The following SLC8A1 variants were observed in gnomAD, a reference collection of about 807,000 sequenced individuals.
The protein encoded by SLC8A1 is solute carrier family 8 member A1.
A neutral mutation model predicts 68.3 loss-of-function variants in SLC8A1; 18 were observed. The observed-to-expected ratio is 0.26, with a 90% CI of 0.18 to 0.39. The LOEUF (loss-of-function observed/expected upper bound fraction) is 0.39. Ranked by LOEUF, SLC8A1 falls within the 10% of genes least tolerant of loss-of-function variation. SLC8A1 has a pLI of 1.00. For missense variants in SLC8A1, 985 were observed against 1,156.7 expected (o/e 0.85, Z 2.15); for synonymous variants, 475 against 415.5 (o/e 1.14, Z -1.74).
chr2:40,306,187 C>G (rs942338179), intron 2 of SLC8A1, among the ~76,000 whole-genome samples: 1 of 152,166 alleles, frequency 6.6e-6, no homozygotes, highest in Non-Finnish European at 1.5e-5. Flanking sequence ...CAGTGAGCAT[C>G]CACATTTATG....
Position 40,127,387 on chromosome 2 carries a change from G to C in SLC8A1, c.2438-11758C>G, listed in dbSNP as rs757956495. Among the ~76,000 whole-genome samples the C allele has an allele frequency of 5.1e-4, 78 of 152,122 alleles. 1 individual carries two copies. Among genetic ancestry groups the C allele is most frequent in the Non-Finnish European group, 8.8e-5 (6 of 68,030 alleles). Reference sequence around the variant, plus strand: ...CCAGCGCAGCCTCAAACCAAGTGCTGGTTCCCCTTGAGCAACCAGAACTGC... The same window carrying C: ...CCAGCGCAGCCTCAAACCAAGTGCTCGTTCCCCTTGAGCAACCAGAACTGC... On this transcript the variant is annotated intron_variant, in intron 7 of 7. Coordinates refer to ENST00000406785, the Ensembl canonical transcript of SLC8A1.
chr2:40,321,788 A>G (rs537227350), intron 2 of SLC8A1, among the ~76,000 whole-genome samples: 4 of 152,230 alleles, frequency 2.6e-5, no homozygotes, highest in Non-Finnish European at 2.9e-5. Context: ...CGTGGGGACT[A>G]TGGGAACTAC....
At chr2:40,441,551 C>A (rs959769132) in intron 1 of SLC8A1, among the ~76,000 whole-genome samples, 2 of 151,638 alleles carry the variant, frequency 1.3e-5, no homozygotes, top group South Asian at 2.1e-4. Context: ...CAGTACGGTA[C>A]GGGTACCAAA....
intron 2 of SLC8A1, among the ~76,000 whole-genome samples, chr2:40,354,140 C>A (rs1222291606): frequency 6.6e-6 from 1 of 152,092 alleles, no homozygotes; most frequent in Non-Finnish European, 1.5e-5. Flanking sequence ...TGCGCTATAC[C>A]ACTTTGCATT....
chr2:40,306,032 T>G (rs1174871773), intron 2 of SLC8A1, among the ~76,000 whole-genome samples: 1 of 152,166 alleles, frequency 6.6e-6, no homozygotes, highest in Non-Finnish European at 1.5e-5. Context: ...CTTACAGGTT[T>G]TGGGAGGATG....
chr2:40,277,507 T>G (rs183836299), intron 2 of SLC8A1, among the ~76,000 whole-genome samples: 1 of 151,822 alleles, frequency 6.6e-6, no homozygotes, highest in African/African-American at 2.4e-5. Flanking sequence ...ACCACTGCCC[T>G]CCAGCCTGGG....
At chr2:40,219,742 G>C (rs1000754847) in intron 2 of SLC8A1, among the ~76,000 whole-genome samples, 1 of 152,122 alleles carries the variant, frequency 6.6e-6, no homozygotes, top group Non-Finnish European at 1.5e-5. Flanking sequence ...TTTTAAGTTT[G>C]AGAAATAGAA....
chr2:40,408,991 G>C (rs1691274521), intron 2 of SLC8A1, among the ~76,000 whole-genome samples: 1 of 152,060 alleles, frequency 6.6e-6, no homozygotes, highest in South Asian at 2.1e-4. Flanking sequence ...GAAAAAAGTT[G>C]TAACTATACA....
intron 6 of SLC8A1, among the ~76,000 whole-genome samples, chr2:40,153,633 C>T (rs761885908): frequency 6.6e-6 from 1 of 152,180 alleles, no homozygotes; most frequent in African/African-American, 2.4e-5. Flanking sequence ...AAACAACCTA[C>T]CTACCTAGAT....
chr2:40,344,092 T>C (rs961179757), intron 2 of SLC8A1, among the ~76,000 whole-genome samples: 7 of 152,126 alleles, frequency 4.6e-5, no homozygotes, highest in Admixed American at 1.3e-4. Context: ...CAAGGAAAGC[T>C]TCCAGGGAAA....
chr2:40,417,988 T>C (rs1694378556), intron 2 of SLC8A1, among the ~76,000 whole-genome samples: 1 of 152,060 alleles, frequency 6.6e-6, no homozygotes, highest in Admixed American at 6.6e-5. Flanking sequence ...GCTTCATATA[T>C]AAGAATTGAT....
At chr2:40,411,794 G>T (rs564089426) in intron 2 of SLC8A1, among the ~76,000 whole-genome samples, 32 of 152,026 alleles carry the variant, frequency 2.1e-4, no homozygotes, top group African/African-American at 6.7e-4. Flanking sequence ...AATGTAAAAA[G>T]TAGCCATCTC....
chr2:40,145,968 TC>T (rs144176170), intron 6 of SLC8A1, among the ~76,000 whole-genome samples: 55,865 of 115,200 alleles, frequency 0.48, 11,623 homozygotes, highest in Middle Eastern at 0.63. Flanking sequence ...AGTTGATCTC[TC>T]TTTTTTTTGT....
chr2:40,416,130 A>T (rs1693810564), intron 2 of SLC8A1, among the ~76,000 whole-genome samples: 2 of 151,292 alleles, frequency 1.3e-5, no homozygotes, highest in African/African-American at 4.9e-5. Flanking sequence ...AATTAGGTTG[A>T]CTATGCCATA....
intron 2 of SLC8A1, among the ~76,000 whole-genome samples, chr2:40,417,929 G>A (rs1450965375): frequency 3.3e-5 from 5 of 149,800 alleles, no homozygotes; most frequent in Admixed American, 2.6e-4. Flanking sequence ...ACAGTAAGCT[G>A]GAAAACTTTA....
chr2:40,376,163 T>C (rs4571097), intron 2 of SLC8A1, among the ~76,000 whole-genome samples: 4,090 of 152,242 alleles, frequency 0.027, 81 homozygotes, highest in Non-Finnish European at 0.039. Flanking sequence ...TTTCACTGAT[T>C]GCAATATAAG....
intron 2 of SLC8A1, among the ~76,000 whole-genome samples, chr2:40,291,304 A>C (rs1340160150): frequency 1.3e-5 from 2 of 152,186 alleles, no homozygotes; most frequent in African/African-American, 4.8e-5. Flanking sequence ...TTTTGAGTTT[A>C]TGGAAGTCAC....
chr2:40,425,920 T>G (rs771031728), intron 2 of SLC8A1, among the ~76,000 whole-genome samples: 2 of 152,006 alleles, frequency 1.3e-5, no homozygotes, highest in African/African-American at 4.8e-5. Flanking sequence ...TAAAGACACA[T>G]GCATTTGTAT....
chr2:40,491,630 A>G (rs952757660), intron 1 of SLC8A1, among the ~76,000 whole-genome samples: 7 of 152,042 alleles, frequency 4.6e-5, no homozygotes, highest in East Asian at 1.9e-4. Flanking sequence ...TTTGCAATAG[A>G]TAGCTCTTAC....
Sources: gnomAD v4.1 joint callset for allele counts (sites outside exome capture counted in the v4.1 genomes callset) on GRCh38, gnomAD v4.1.1 for gene constraint, MANE v1.5 for transcripts, NCBI Gene and HGNC (gene_info 2026-07-23, HGNC 2026-07-21) for gene names.